The following ABCC8 variants were observed in gnomAD, a reference collection of about 807,000 sequenced individuals.
The protein encoded by ABCC8 is ATP-binding cassette sub-family C member 8.
A neutral mutation model predicts 188.0 loss-of-function variants in ABCC8; 137 were observed. The ratio of observed to expected loss-of-function variants is 0.73; its 90% CI spans 0.63 to 0.84. The LOEUF (loss-of-function observed/expected upper bound fraction) is 0.84. Ranked by LOEUF, ABCC8 falls within the 40% of genes least tolerant of loss-of-function variation. The probability of loss-of-function intolerance (pLI) is 0.00; values close to 1 mark genes in which losing one functional copy is unlikely to be tolerated. For synonymous variants in ABCC8, 797 were observed against 846.5 expected, an observed-to-expected ratio of 0.94 and a Z score of 1.01; for missense variants, 1,750 against 2,072.7, an observed-to-expected ratio of 0.84 and a Z score of 3.02.
chr11:17,447,421 A>C (rs528842250), intron 8 of ABCC8, among the ~76,000 whole-genome samples: 1 of 152,224 alleles, frequency 6.6e-6, no homozygotes, highest in East Asian at 1.9e-4. Context: ...ACCATGTTTT[A>C]ACGTTTTTAT....
chr11:17,467,228 C>T (rs931623245), intron 3 of ABCC8, among the ~76,000 whole-genome samples: 6 of 152,098 alleles, frequency 3.9e-5, no homozygotes, highest in Non-Finnish European at 7.4e-5. Context: ...CCAGCATGGT[C>T]AACAGGGTGA....
In ABCC8 at chr11:17,430,972, G is replaced by A. The variant is rs369655742; in HGVS notation, c.1672-13C>T. ...GGCCCACGAAAGTCTGTGGACAGAGGCACAAGTGAGGCCAGGGTGGCCCAG... is the reference window on the plus strand; with the variant it reads ...GGCCCACGAAAGTCTGTGGACAGAGACACAAGTGAGGCCAGGGTGGCCCAG... On this transcript the variant is annotated splice_polypyrimidine_tract_variant and intron_variant, in intron 11 of 38. Coordinates refer to ENST00000389817, the MANE Select transcript of ABCC8 (RefSeq NM_000352.6). 2.8e-5 allele frequency: 45 copies of A among 1,613,640 alleles called. No homozygotes were observed. Among genetic ancestry groups the A allele is most frequent in the Non-Finnish European group, 3.6e-5 (43 of 1,179,774 alleles).
chr11:17,432,406 T>G, intron 10 of ABCC8, 162 bp from the exon 11 acceptor site: 1 of 1,430,668 alleles, frequency 7.0e-7, no homozygotes, highest in Admixed American at 2.2e-5. Context: ...CACTTCCAGT[T>G]CCTCACCCCA....
chr11:17,406,574 G>A (rs370774808), intron 26 of ABCC8, 48 bp downstream of exon 26: 5 of 1,559,832 alleles, frequency 3.2e-6, no homozygotes, highest in Non-Finnish European at 4.4e-6. Flanking sequence ...AAGGCTCAGA[G>A]AACAGTGACT....
At chr11:17,413,261 A>G in intron 20 of ABCC8, 133 bp downstream of exon 20, 2 of 1,370,572 alleles carry the variant, frequency 1.5e-6, no homozygotes, top group Non-Finnish European at 2.1e-6. Flanking sequence ...AACATGTTTG[A>G]CCTTACTGCA....
chr11:17,428,442 G>T, intron 13 of ABCC8, 37 bp from the exon 14 acceptor site: 2 of 1,607,976 alleles, frequency 1.2e-6, no homozygotes, highest in East Asian at 2.2e-5. Context: ...CACTGGGCTG[G>T]GAGCTGTGTA....
chr11:17,410,443 T>G, intron 22 of ABCC8, 73 bp downstream of exon 22: 1 of 1,527,558 alleles, frequency 6.5e-7, no homozygotes. Flanking sequence ...GACAACGGAT[T>G]GGTTCCTGCC....
intron 30 of ABCC8, 37 bp downstream of exon 30, chr11:17,398,302 C>A: frequency 6.2e-7 from 1 of 1,612,774 alleles, no homozygotes; most frequent in Non-Finnish European, 8.5e-7. Context: ...GCCCCACCCT[C>A]CTATCAGAGG....
Position 17,406,999 on chromosome 11 carries a change from G to A in ABCC8, c.3051C>T (p.Phe1017=), listed in dbSNP as rs918842507. 2 of 1,614,220 alleles carry A rather than the reference G, an allele frequency of 1.2e-6. No homozygotes were observed. Among genetic ancestry groups the A allele is most frequent in the Non-Finnish European group, 1.7e-6 (2 of 1,180,046 alleles). ...GGACCATGTGCTTGAGCAGCTGTGA[G>A]AAGACCAGCAACGACAGGAGCAGGA... is the stretch of plus-strand genomic sequence containing the variant. ...AGILLLSLLV[F]SQLLKHMVLV... The change falls in exon 25 of 39, where the codon TTC becomes TTT. Residue 1017 remains phenylalanine, a synonymous_variant. Coordinates refer to ENST00000389817, the MANE Select transcript of ABCC8 (RefSeq NM_000352.6).
rs1954568421 is a variant in ABCC8, at chr11:17,406,967, GC to G, written c.3082del (p.Ala1028ProfsTer14). On this transcript the variant is annotated frameshift_variant, in exon 25 of 39. Coordinates refer to ENST00000389817, the MANE Select transcript of ABCC8 (RefSeq NM_000352.6). LOFTEE classifies it high-confidence loss of function. Reference sequence around the variant, plus strand: ...CCACTTGGCCAGCCAGTAGTCGATGGCCACCAGGACCATGTGCTTGAGCAGC... The same window carrying G: ...CCACTTGGCCAGCCAGTAGTCGATGGCACCAGGACCATGTGCTTGAGCAGC... ...SQLLKHMVLV[A>X]IDYWLAKWTD... The G allele has an allele frequency of 6.2e-7, 1 of 1,614,176 alleles. No homozygotes were observed. The highest frequency in any genetic ancestry group is 1.1e-5 in the South Asian group (1 of 91,090).
chr11:17,410,766 G>A (rs1591755519), intron 21 of ABCC8, 113 bp from the exon 22 acceptor site: 3 of 1,510,644 alleles, frequency 2.0e-6, no homozygotes, highest in African/African-American at 2.7e-5. Flanking sequence ...AGGGACTGAA[G>A]CTAGTTAGCT....
intron 3 of ABCC8, among the ~76,000 whole-genome samples, chr11:17,467,304 C>G (rs890008486): frequency 1.3e-5 from 2 of 152,132 alleles, no homozygotes; most frequent in Admixed American, 1.3e-4. Context: ...GTATTCCCAG[C>G]TACTCAGCAG....
At chr11:17,470,260 G>A in intron 2 of ABCC8, 38 bp from the exon 3 acceptor site, 3 of 1,613,244 alleles carry the variant, frequency 1.9e-6, no homozygotes, top group Non-Finnish European at 2.5e-6. Flanking sequence ...ATGGGGACAT[G>A]CTAAGTACTG....
intron 20 of ABCC8, 36 bp downstream of exon 20, chr11:17,413,358 T>C (rs377448454): frequency 1.1e-4 from 172 of 1,613,918 alleles, no homozygotes; most frequent in Non-Finnish European, 1.4e-4. Flanking sequence ...TTGGGGGTCC[T>C]GGCTTTGAAA....
At chr11:17,412,844 G>T in intron 20 of ABCC8, 98 bp from the exon 21 acceptor site, 1 of 1,546,336 alleles carries the variant, frequency 6.5e-7, no homozygotes, top group Non-Finnish European at 8.7e-7. Flanking sequence ...TGGAGGCCTG[G>T]CTCTATCCAC....
chr11:17,473,296 C>T (rs952929853), intron 2 of ABCC8, among the ~76,000 whole-genome samples: 2 of 151,982 alleles, frequency 1.3e-5, no homozygotes, highest in East Asian at 1.9e-4. Context: ...GGACTTGTCA[C>T]GTGCTTGTGT....
intron 16 of ABCC8, among the ~76,000 whole-genome samples, chr11:17,417,852 C>T (rs1369522559): frequency 1.3e-5 from 2 of 152,022 alleles, no homozygotes; most frequent in East Asian, 1.9e-4. Flanking sequence ...TGGGCTCAAG[C>T]GATCCTCCTG....
intron 9 of ABCC8, 85 bp downstream of exon 9, chr11:17,443,093 C>G (rs1956385618): frequency 5.8e-6 from 9 of 1,546,196 alleles, no homozygotes; most frequent in Admixed American, 3.4e-5. Context: ...AAGTCAATGA[C>G]AGTGTGGGTG....
intron 17 of ABCC8, among the ~76,000 whole-genome samples, chr11:17,415,622 A>T (rs775039228): frequency 2.0e-5 from 3 of 152,024 alleles, no homozygotes; most frequent in South Asian, 2.1e-4. Context: ...TGGGGGGAAA[A>T]CTTGTCAGAT....
Sources: gnomAD v4.1 joint callset for allele counts (sites outside exome capture counted in the v4.1 genomes callset) on GRCh38, gnomAD v4.1.1 for gene constraint, MANE v1.5 for transcripts, NCBI Gene and HGNC (gene_info 2026-07-23, HGNC 2026-07-21) for gene names.